Variants in CCDC171 observed in about 807,000 individuals in gnomAD.
CCDC171 encodes coiled-coil domain containing 171.
A neutral mutation model predicts 168.2 loss-of-function variants in CCDC171; 177 were observed. The observed-to-expected ratio is 1.05, with a 90% CI of 0.93 to 1.19. The LOEUF (loss-of-function observed/expected upper bound fraction) is 1.19, where lower values mean the gene tolerates loss of function less well. Ranked by LOEUF, CCDC171 falls within the 50% of genes most tolerant of loss-of-function variation. The pLI is 0.00. For synonymous variants in CCDC171, 687 were observed against 540.8 expected (o/e 1.27, Z -3.75); for missense variants, 1,991 against 1,539.0 (o/e 1.29, Z -4.91).
chr9:15,833,508 T>G (rs2060321130), intron 21 of CCDC171, among the ~76,000 whole-genome samples: 1 of 152,230 alleles, frequency 6.6e-6, no homozygotes, highest in Non-Finnish European at 1.5e-5. Context: ...CTTTCATTTC[T>G]TTAAATAATT....
At chr9:15,881,751 AT>A (rs1818674708) in intron 24 of CCDC171, among the ~76,000 whole-genome samples, 1 of 152,174 alleles carries the variant, frequency 6.6e-6, no homozygotes, top group South Asian at 2.1e-4. Context: ...GGCTTATTTC[AT>A]TTAATGACCT....
intron 20 of CCDC171, 121 bp from the exon 21 acceptor site, chr9:15,784,387 AT>A (rs920484270): frequency 7.6e-6 from 4 of 525,314 alleles, no homozygotes; most frequent in Non-Finnish European, 9.4e-6. Flanking sequence ...AGCTAATTGT[AT>A]TTTTTTAATG....
At chr9:16,010,545 C>G (rs1043943648) in intron 3 of CCDC171, among the ~76,000 whole-genome samples, 2 of 152,068 alleles carry the variant, frequency 1.3e-5, no homozygotes, top group African/African-American at 4.8e-5. Flanking sequence ...TCCAGAGACC[C>G]CTAACACAGA....
chr9:15,864,612 C>T (rs1257210829), intron 23 of CCDC171, among the ~76,000 whole-genome samples: 1 of 149,928 alleles, frequency 6.7e-6, no homozygotes, highest in Non-Finnish European at 1.5e-5. Flanking sequence ...CCAAATGTGC[C>T]TAAGTATTTC....
chr9:15,720,099 A>G (rs2053375277), intron 11 of CCDC171, among the ~76,000 whole-genome samples: 1 of 151,260 alleles, frequency 6.6e-6, no homozygotes, highest in African/African-American at 2.4e-5. Context: ...TGTTAAAGAA[A>G]AACCAAGTTG....
chr9:16,075,589 C>A, the CCDC171 span, among the ~76,000 whole-genome samples: 3 of 152,080 alleles, frequency 2.0e-5, no homozygotes, highest in Admixed American at 1.3e-4. Flanking sequence ...CAAAGGAACT[C>A]AAATCCCACT....
intron 3 of CCDC171, among the ~76,000 whole-genome samples, chr9:16,014,570 C>G (rs1832961257): frequency 6.6e-6 from 1 of 152,174 alleles, no homozygotes; most frequent in Admixed American, 6.6e-5. Context: ...CCATCTATGG[C>G]AGCTATAGCC....
the CCDC171 span, among the ~76,000 whole-genome samples, chr9:16,095,527 A>G: frequency 1.3e-5 from 2 of 151,580 alleles, no homozygotes; most frequent in African/African-American, 4.9e-5. Flanking sequence ...TCTCTCTCAC[A>G]CACACGCTCT....
At chr9:15,645,836 C>T (rs2046991043) in intron 7 of CCDC171, among the ~76,000 whole-genome samples, 1 of 152,140 alleles carries the variant, frequency 6.6e-6, no homozygotes, top group Non-Finnish European at 1.5e-5. Context: ...GGATATTATC[C>T]AGGAGAATTT....
intron 25 of CCDC171, among the ~76,000 whole-genome samples, chr9:15,954,734 T>G (rs1829608659): frequency 6.6e-6 from 1 of 152,050 alleles, no homozygotes; most frequent in Non-Finnish European, 1.5e-5. Context: ...TTCAGTCATT[T>G]TAATTTTCAG....
intron 11 of CCDC171, among the ~76,000 whole-genome samples, chr9:15,708,588 C>G (rs1464545985): frequency 6.6e-6 from 1 of 152,070 alleles, no homozygotes; most frequent in East Asian, 1.9e-4. Context: ...CCGTGTAACT[C>G]CCAGAATACA....
intron 18 of CCDC171, among the ~76,000 whole-genome samples, chr9:15,762,410 G>C (rs78752317): frequency 0.027 from 4,171 of 152,194 alleles, 219 homozygotes; most frequent in African/African-American, 0.095. Flanking sequence ...ATTCAAGCCA[G>C]GAATGACATT....
chr9:15,650,569 T>G (rs1396501598), intron 7 of CCDC171, among the ~76,000 whole-genome samples: 1 of 152,230 alleles, frequency 6.6e-6, no homozygotes, highest in East Asian at 1.9e-4. Context: ...ACTCATATTT[T>G]GAGTTGTCCT....
chr9:16,082,697 A>C, the CCDC171 span, among the ~76,000 whole-genome samples: 1 of 152,226 alleles, frequency 6.6e-6, no homozygotes, highest in African/African-American at 2.4e-5. Flanking sequence ...GCTTTTTATA[A>C]ACCAGTAACA....
Position 16,022,039 on chromosome 9 carries a change from C to T in CCDC171, n.575-293C>T, listed in dbSNP as rs531093582. ...CTTCCACTGCTACCATATCTAGGAC[C>T]CAGGGAGAGAGATGATTTGGACAGT... On this transcript the variant is annotated intron_variant and non_coding_transcript_variant, in intron 4 of 9. Transcript: ENST00000486641. 3.9e-4 allele frequency among the ~76,000 whole-genome samples: 59 copies of T among 152,098 alleles called. 1 individual carries two copies. The highest frequency in any genetic ancestry group is 6.2e-4 in the Non-Finnish European group (42 of 67,990).
the CCDC171 span, among the ~76,000 whole-genome samples, chr9:16,077,198 A>G: frequency 0.01 from 1,586 of 152,304 alleles, 31 homozygotes; most frequent in African/African-American, 0.037. Context: ...AGGTGGTGTC[A>G]TGGAATCTAG....
intron 16 of CCDC171, among the ~76,000 whole-genome samples, chr9:15,734,707 A>G (rs2134417796): frequency 6.6e-6 from 1 of 152,198 alleles, no homozygotes; most frequent in East Asian, 1.9e-4. Context: ...TGTAAATTTT[A>G]TTTTAGGAAA....
At chr9:16,078,114 G>A in the CCDC171 span, among the ~76,000 whole-genome samples, 10 of 151,572 alleles carry the variant, frequency 6.6e-5, no homozygotes, top group South Asian at 1.7e-3. Flanking sequence ...AAAGGTGAGG[G>A]ATATGTTAAT....
At chr9:15,905,313 A>G (rs1822394376) in intron 24 of CCDC171, among the ~76,000 whole-genome samples, 1 of 152,228 alleles carries the variant, frequency 6.6e-6, no homozygotes, top group African/African-American at 2.4e-5. Context: ...GGAAATTATA[A>G]CAAACTTTCT....
Sources: gnomAD v4.1 joint callset for allele counts (sites outside exome capture counted in the v4.1 genomes callset) on GRCh38, gnomAD v4.1.1 for gene constraint, MANE v1.5 for transcripts, NCBI Gene and HGNC (gene_info 2026-07-23, HGNC 2026-07-21) for gene names.